Variants in LMF1 observed in about 807,000 individuals in gnomAD.
LMF1 encodes the protein lipase maturation factor 1.
Under a neutral mutation model 60.6 loss-of-function variants are expected in LMF1, and 68 were observed. That is an observed-to-expected ratio of 1.12 (90% confidence interval 0.92 to 1.37). The LOEUF (loss-of-function observed/expected upper bound fraction) is 1.37. Among genes scored for constraint, LMF1 ranks in the 40% most tolerant of loss-of-function variants. The probability of loss-of-function intolerance (pLI) is 0.00; values close to 1 mark genes in which losing one functional copy is unlikely to be tolerated. For synonymous variants in LMF1, 418 were observed against 324.7 expected (o/e 1.29, Z -3.09); for missense variants, 948 against 767.2 (o/e 1.24, Z -2.78).
At chr16:974,768 C>A (rs2073104183), upstream of LMF1, among the ~76,000 whole-genome samples, 1 of 152,236 alleles carries the variant, frequency 6.6e-6, no homozygotes, top group Non-Finnish European at 1.5e-5. Context: ...CCCCCAGCAC[C>A]CCGGCCTGGC....
chr16:965,777 G>A (rs912106304), intron 1 of LMF1, among the ~76,000 whole-genome samples: 1 of 152,204 alleles, frequency 6.6e-6, no homozygotes, highest in Non-Finnish European at 1.5e-5. Context: ...CCTCGGGGCT[G>A]GAGGTGGGTA....
At chr16:930,654 G>A (rs2071754184) in intron 3 of LMF1, among the ~76,000 whole-genome samples, 2 of 152,254 alleles carry the variant, frequency 1.3e-5, no homozygotes, top group African/African-American at 2.4e-5. Flanking sequence ...GCCAGCGGCC[G>A]TTTCACTAAG....
intron 10 of LMF1, among the ~76,000 whole-genome samples, chr16:858,647 T>TCGGGACGGGTGTGAGTGGTGTCA (rs2069296779): frequency 3.0e-5 from 1 of 33,000 alleles, no homozygotes; most frequent in Non-Finnish European, 5.5e-5. Flanking sequence ...CAGTGGTGTC[T>TCGGGACGGGTGTGAGTGGTGTCA]CGGGACGGGT....
chr16:900,666 T>C (rs1024547267), intron 4 of LMF1: 1 of 149,470 alleles, frequency 6.7e-6, no homozygotes, highest in African/African-American at 2.5e-5. Context: ...CCCGCCAGCA[T>C]ACCTGCTAAT....
At chr16:920,818 C>G (rs747995064) in intron 3 of LMF1, among the ~76,000 whole-genome samples, 1 of 152,222 alleles carries the variant, frequency 6.6e-6, no homozygotes, top group Non-Finnish European at 1.5e-5. Flanking sequence ...GAATGATAGT[C>G]GACTTCCCGT....
At chr16:950,642 G>A (rs1161261827) in intron 2 of LMF1, among the ~76,000 whole-genome samples, 3 of 146,072 alleles carry the variant, frequency 2.1e-5, no homozygotes, top group African/African-American at 7.7e-5. Context: ...GTCAGCCAAG[G>A]ACAGAGTCAG....
intron 3 of LMF1, chr16:933,640 A>C: frequency 4.5e-6 from 1 of 223,354 alleles, no homozygotes; most frequent in Non-Finnish European, 9.0e-6. Flanking sequence ...GGGTATGGTC[A>C]TCCTTCCCAA....
upstream of LMF1, among the ~76,000 whole-genome samples, chr16:974,209 A>G (rs2073093969): frequency 6.6e-6 from 1 of 152,304 alleles, no homozygotes; most frequent in Admixed American, 6.5e-5. Context: ...ATTCTCTAAG[A>G]AGGCACTTCA....
At chr16:945,641 A>G (rs1017797570) in intron 2 of LMF1, among the ~76,000 whole-genome samples, 3 of 152,246 alleles carry the variant, frequency 2.0e-5, no homozygotes, top group South Asian at 2.1e-4. Context: ...AAGGGTCACA[A>G]TCTATTTGGA....
At chr16:917,106 C>T (rs2151761995) in intron 3 of LMF1, among the ~76,000 whole-genome samples, 1 of 152,380 alleles carries the variant, frequency 6.6e-6, no homozygotes, top group East Asian at 1.9e-4. Flanking sequence ...ATGGGGCCAT[C>T]TGCAGCCCAG....
rs1449041868 is a variant in LMF1 at position 932,189 on chromosome 16, T to TA, written c.514+2054dup. On this transcript the variant is annotated intron_variant, in intron 3 of 10. Transcript: ENST00000262301. ...CCAGGCACTTCCCCCCCACCCTACT[T>TA]AGAGTAGAGCCTGTGTTCCCCAGGA... Among the ~76,000 whole-genome samples, 4 of 151,852 alleles carry TA rather than the reference T, an allele frequency of 2.6e-5. No homozygotes were observed. The East Asian group carries it at 7.7e-4, about 29-fold the overall frequency.
exon 1 of LMF1, chr16:981,209 C>A (rs1425740937): frequency 2.2e-6 from 1 of 455,264 alleles, no homozygotes; most frequent in Non-Finnish European, 4.4e-6. Context: ...CGGAACCGAC[C>A]CTGTCCTGGA....
At chr16:969,876 A>C (rs2073004160) in intron 1 of LMF1, among the ~76,000 whole-genome samples, 5 of 152,164 alleles carry the variant, frequency 3.3e-5, no homozygotes. Flanking sequence ...CTTCCAAACC[A>C]GTTCTGGGTT....
chr16:898,683 T>C (rs1389850327), intron 4 of LMF1, among the ~76,000 whole-genome samples: 1 of 152,178 alleles, frequency 6.6e-6, no homozygotes, highest in Non-Finnish European at 1.5e-5. Context: ...AGGAGGGCAG[T>C]TCATCTCCGA....
chr16:857,005 T>C (rs902404275), intron 10 of LMF1, among the ~76,000 whole-genome samples: 3 of 152,250 alleles, frequency 2.0e-5, no homozygotes, highest in Admixed American at 6.5e-5. Context: ...GAACGTATGA[T>C]TTCAAGAATG....
At chr16:898,751 T>C (rs1365458570) in intron 4 of LMF1, among the ~76,000 whole-genome samples, 1 of 152,250 alleles carries the variant, frequency 6.6e-6, no homozygotes, top group Non-Finnish European at 1.5e-5. Flanking sequence ...TTGGTTTGCC[T>C]TCCAGAAGTT....
intron 3 of LMF1, among the ~76,000 whole-genome samples, chr16:912,072 C>A (rs945117707): frequency 1.3e-5 from 2 of 152,172 alleles, no homozygotes; most frequent in African/African-American, 4.8e-5. Context: ...CCCAGAGACC[C>A]CACAGGCCGG....
At chr16:975,178 C>T (rs999732877), upstream of LMF1, among the ~76,000 whole-genome samples, 3 of 152,158 alleles carry the variant, frequency 2.0e-5, no homozygotes, top group Non-Finnish European at 4.4e-5. Flanking sequence ...CACGAGTGTT[C>T]CCACCCCTGC....
intron 2 of LMF1, chr16:954,112 G>A: frequency 1.6e-6 from 1 of 624,376 alleles, no homozygotes; most frequent in South Asian, 1.6e-5. Flanking sequence ...CCAGTAAGCT[G>A]GCAACGCAGT....
Sources: allele counts gnomAD v4.1 joint callset (sites outside exome capture counted in the v4.1 genomes callset), GRCh38; gene constraint gnomAD v4.1.1; transcripts MANE v1.5; gene names NCBI Gene and HGNC (gene_info 2026-07-23, HGNC 2026-07-21).